Variants in NRG1 observed in about 807,000 individuals in gnomAD.
The protein encoded by NRG1 is neuregulin 1.
A neutral mutation model predicts 63.8 loss-of-function variants in NRG1; 18 were observed. The ratio of observed to expected loss-of-function variants is 0.28; its 90% confidence interval spans 0.19 to 0.42. The LOEUF (loss-of-function observed/expected upper bound fraction) is 0.42, where lower values mean the gene tolerates loss of function less well. NRG1 is among the 10% of genes least tolerant of loss of function. The pLI is 1.00. For missense variants in NRG1, 762 were observed against 814.7 expected (o/e 0.94, Z 0.79); for synonymous variants, 302 against 301.3 (o/e 1.00, Z -0.02).
At chr8:31,662,405 A>G (rs1806082499) in intron 1 of NRG1, among the ~76,000 whole-genome samples, 1 of 152,260 alleles carries the variant, frequency 6.6e-6, no homozygotes, top group African/African-American at 2.4e-5. Context: ...AAAAGCTGTT[A>G]TGGGCTTAGC....
At chr8:32,276,971 CT>C (rs1019919372) in intron 1 of NRG1, among the ~76,000 whole-genome samples, 28 of 152,260 alleles carry the variant, frequency 1.8e-4, no homozygotes, top group African/African-American at 6.7e-4. Flanking sequence ...AGGTTGTTAC[CT>C]GTGGCCTTGC....
intron 1 of NRG1, among the ~76,000 whole-genome samples, chr8:32,248,675 A>G (rs368317208): frequency 6.6e-6 from 1 of 152,178 alleles, no homozygotes; most frequent in East Asian, 1.9e-4. Context: ...TGTTAGAATA[A>G]TGACTCAATT....
At chr8:32,623,362 C>T (rs541251257) in intron 5 of NRG1, among the ~76,000 whole-genome samples, 1 of 152,222 alleles carries the variant, frequency 6.6e-6, no homozygotes, top group South Asian at 2.1e-4. Context: ...TGGAAAAATG[C>T]CATTTCAATT....
chr8:32,643,414 G>A (rs905973822), intron 5 of NRG1, among the ~76,000 whole-genome samples: 9 of 152,186 alleles, frequency 5.9e-5, no homozygotes, highest in Non-Finnish European at 1.3e-4. Flanking sequence ...CCACCATGCT[G>A]TGGGAAGCTC....
intron 1 of NRG1, among the ~76,000 whole-genome samples, chr8:31,840,698 T>C (rs1031469126): frequency 1.3e-5 from 2 of 152,208 alleles, no homozygotes; most frequent in Admixed American, 6.5e-5. Context: ...TTTTCACAGA[T>C]CCATTTTTCT....
At chr8:32,640,796 T>A (rs1344369534) in intron 5 of NRG1, among the ~76,000 whole-genome samples, 1 of 152,104 alleles carries the variant, frequency 6.6e-6, no homozygotes, top group Non-Finnish European at 1.5e-5. Flanking sequence ...CCTATTTCCC[T>A]ATTTAAAATA....
Position 31,774,851 on chromosome 8 carries a change from G to A in NRG1, c.37+135420G>A, listed in dbSNP as rs572107289. 3.3e-5 allele frequency among the ~76,000 whole-genome samples: 5 copies of A among 152,226 alleles called. No homozygotes were observed. In the South Asian group the frequency reaches 1.0e-3, roughly 32 times the overall value. Reference sequence around the variant, plus strand: ...AAAAAATGCACACCATCAGTAATCAGAGACATGCAAATTAAAACCACAATG... The same window carrying A: ...AAAAAATGCACACCATCAGTAATCAAAGACATGCAAATTAAAACCACAATG... On this transcript the variant is annotated intron_variant, in intron 1 of 10. Coordinates refer to the NRG1 transcript ENST00000519301.
intron 1 of NRG1, among the ~76,000 whole-genome samples, chr8:31,890,484 A>T (rs1424440244): frequency 6.6e-6 from 1 of 152,210 alleles, no homozygotes. Context: ...TCCGTTTAGG[A>T]AGCTAAGTGT....
chr8:31,900,602 T>A (rs1831994717), intron 1 of NRG1, among the ~76,000 whole-genome samples: 1 of 152,314 alleles, frequency 6.6e-6, no homozygotes, highest in East Asian at 1.9e-4. Flanking sequence ...GGACAGGTCA[T>A]ATAACAAGTT....
At chr8:32,571,323 A>C (rs1563674177) in intron 1 of NRG1, among the ~76,000 whole-genome samples, 1 of 152,130 alleles carries the variant, frequency 6.6e-6, no homozygotes, top group South Asian at 2.1e-4. Flanking sequence ...TTGTAAATTC[A>C]CTTGTTCTTT....
At chr8:32,412,433 TATATATATATATATATATAC>T (rs1815154889) in intron 1 of NRG1, among the ~76,000 whole-genome samples, 1 of 40,168 alleles carries the variant, frequency 2.5e-5, no homozygotes, top group East Asian at 1.3e-3. Context: ...CATATATATA[TATATATATATATATATATAC>T]ATATATATAT....
chr8:31,785,061 G>A (rs1820046124), intron 1 of NRG1, among the ~76,000 whole-genome samples: 2 of 152,122 alleles, frequency 1.3e-5, no homozygotes, highest in African/African-American at 4.8e-5. Flanking sequence ...CCACAAGAAG[G>A]CTTTTCGTGG....
intron 1 of NRG1, among the ~76,000 whole-genome samples, chr8:32,334,400 C>G (rs146041983): frequency 6.6e-6 from 1 of 152,302 alleles, no homozygotes; most frequent in African/African-American, 2.4e-5. Flanking sequence ...GGAGCAAAGT[C>G]TCTGATCAGA....
chr8:31,683,053 G>T (rs768558933), intron 1 of NRG1, among the ~76,000 whole-genome samples: 2 of 152,048 alleles, frequency 1.3e-5, no homozygotes, highest in Non-Finnish European at 2.9e-5. Context: ...TAACTAACCC[G>T]CCCTCGGGAG....
At chr8:31,989,949 C>A (rs571485543) in intron 1 of NRG1, among the ~76,000 whole-genome samples, 1 of 152,184 alleles carries the variant, frequency 6.6e-6, no homozygotes, top group East Asian at 1.9e-4. Flanking sequence ...CTCATAAATT[C>A]TTATCCATAC....
chr8:32,228,414 TA>T, intron 1 of NRG1, among the ~76,000 whole-genome samples: 1 of 152,344 alleles, frequency 6.6e-6, no homozygotes, highest in African/African-American at 2.4e-5. Context: ...TAAAGCCTTT[TA>T]TGTTTCTACT....
intron 1 of NRG1, among the ~76,000 whole-genome samples, chr8:32,435,464 C>T (rs902087718): frequency 6.6e-6 from 1 of 152,170 alleles, no homozygotes; most frequent in Non-Finnish European, 1.5e-5. Flanking sequence ...CTGACCAAAA[C>T]AATTCTTTGT....
intron 1 of NRG1, among the ~76,000 whole-genome samples, chr8:32,300,713 C>A (rs777880637): frequency 6.6e-6 from 1 of 152,158 alleles, no homozygotes; most frequent in East Asian, 1.9e-4. Context: ...GCTATACACA[C>A]GAGAGATGCA....
At position 32,383,587 on chromosome 8, in the gene NRG1, T is replaced by C. The variant is rs917335963; in HGVS notation, c.38-212241T>C. Among the ~76,000 whole-genome samples the C allele has an allele frequency of 2.6e-5, 4 of 152,214 alleles. No homozygotes were observed. The East Asian group carries it at 7.7e-4, about 29-fold the overall frequency. On this transcript the variant is annotated intron_variant, in intron 1 of 10. Coordinates refer to the NRG1 transcript ENST00000519301. ...TTTTTGCCCCTGAGCTCCCACCCTT[T>C]TGGACTGGAATTGGACATATCTCTG...
Sources: gnomAD v4.1 joint callset for allele counts (sites outside exome capture counted in the v4.1 genomes callset) on GRCh38, gnomAD v4.1.1 for gene constraint, MANE v1.5 for transcripts, NCBI Gene and HGNC (gene_info 2026-07-23, HGNC 2026-07-21) for gene names.